The following STAU2 variants were observed in gnomAD, a reference collection of about 807,000 sequenced individuals.
STAU2 encodes the protein double-stranded RNA-binding protein Staufen homolog 2.
Under a neutral mutation model 65.9 loss-of-function variants are expected in STAU2, and 20 were observed. The ratio of observed to expected loss-of-function variants is 0.30; its 90% CI spans 0.21 to 0.44. STAU2 has a LOEUF of 0.44. Ranked by LOEUF, STAU2 falls within the 20% of genes least tolerant of loss-of-function variation. STAU2 has a pLI of 1.00. For missense variants in STAU2, 558 were observed against 683.9 expected, an observed-to-expected ratio of 0.82 and a Z score of 2.05; for synonymous variants, 232 against 233.9, an observed-to-expected ratio of 0.99 and a Z score of 0.07.
intron 12 of STAU2, among the ~76,000 whole-genome samples, chr8:73,580,365 GAAT>G (rs573686806): frequency 1.3e-4 from 20 of 152,248 alleles, no homozygotes; most frequent in Admixed American, 1.2e-3. Flanking sequence ...AGAGAAAATT[GAAT>G]AATAAGATGT....
intron 4 of STAU2, among the ~76,000 whole-genome samples, chr8:73,693,975 A>G (rs1819531750): frequency 6.6e-6 from 1 of 152,270 alleles, no homozygotes; most frequent in African/African-American, 2.4e-5. Flanking sequence ...TGTACTTCAA[A>G]TATAAAAGCA....
At chr8:73,601,732 A>G (rs997524679) in intron 10 of STAU2, among the ~76,000 whole-genome samples, 1 of 152,198 alleles carries the variant, frequency 6.6e-6, no homozygotes, top group African/African-American at 2.4e-5. Context: ...ATGTTTATGA[A>G]TACCCATAAA....
At chr8:73,525,344 A>G (rs1335965317) in intron 13 of STAU2, among the ~76,000 whole-genome samples, 1 of 152,216 alleles carries the variant, frequency 6.6e-6, no homozygotes, top group African/African-American at 2.4e-5. Context: ...TGCACACCTC[A>G]ATGGGGTGCA....
At chr8:73,506,879 A>C (rs1198397275) in intron 13 of STAU2, among the ~76,000 whole-genome samples, 2 of 152,196 alleles carry the variant, frequency 1.3e-5, no homozygotes, top group Non-Finnish European at 2.9e-5. Context: ...ACACACTCAC[A>C]GTATCTTCAC....
intron 6 of STAU2, among the ~76,000 whole-genome samples, chr8:73,660,170 T>A (rs1816718064): frequency 6.6e-6 from 1 of 152,082 alleles, no homozygotes; most frequent in Non-Finnish European, 1.5e-5. Context: ...GTGTGACATA[T>A]CCTGTAATCC....
intron 3 of STAU2, among the ~76,000 whole-genome samples, chr8:73,730,970 A>G (rs1806023315): frequency 6.6e-6 from 1 of 152,132 alleles, no homozygotes; most frequent in African/African-American, 2.4e-5. Flanking sequence ...TCCTCTAAAT[A>G]GTGTTCTGGT....
At chr8:73,546,853 T>C (rs1806971348) in intron 13 of STAU2, among the ~76,000 whole-genome samples, 1 of 152,202 alleles carries the variant, frequency 6.6e-6, no homozygotes, top group Non-Finnish European at 1.5e-5. Flanking sequence ...CCATAATTAA[T>C]TATATGTCAG....
At chr8:73,676,005 G>A (rs77819903) in intron 5 of STAU2, among the ~76,000 whole-genome samples, 1,631 of 152,146 alleles carry the variant, frequency 0.011, 25 homozygotes, top group African/African-American at 0.037. Context: ...TAAAGGTGAA[G>A]GATACATGGG....
chr8:73,690,627 A>G (rs1286143795), intron 4 of STAU2, among the ~76,000 whole-genome samples: 1 of 152,226 alleles, frequency 6.6e-6, no homozygotes, highest in Non-Finnish European at 1.5e-5. Context: ...CAAATTGTTC[A>G]AGGAAAAATT....
At chr8:73,730,738 A>AAAAAAAAAAGAC (rs1554572663) in intron 3 of STAU2, among the ~76,000 whole-genome samples, 4 of 141,626 alleles carry the variant, frequency 2.8e-5, no homozygotes, top group Non-Finnish European at 6.0e-5. Context: ...CAAAAAAAAA[A>AAAAAAAAAAGAC]AAAAAAAAAA....
chr8:73,441,320 A>T (rs981855079), intron 13 of STAU2: 1 of 151,984 alleles, frequency 6.6e-6, no homozygotes, highest in African/African-American at 2.4e-5. Flanking sequence ...CAGGCAGATC[A>T]CCTGAGGTCA....
intron 5 of STAU2, among the ~76,000 whole-genome samples, chr8:73,682,566 T>C (rs1011238398): frequency 1.3e-5 from 2 of 151,480 alleles, no homozygotes; most frequent in African/African-American, 4.9e-5. Context: ...CCTCAAGAAC[T>C]AGAGAAACAA....
chr8:73,726,400 A>C lies in STAU2; in HGVS notation c.-18+11884T>G, dbSNP rs369494260. 2.2e-4 allele frequency among the ~76,000 whole-genome samples: 34 copies of C among 152,316 alleles called. No homozygotes were observed. In the East Asian group the frequency reaches 3.3e-3, roughly 15 times the overall value. On this transcript the variant is annotated intron_variant, in intron 3 of 14. Coordinates refer to ENST00000524300, the MANE Select transcript of STAU2 (RefSeq NM_001164380.2). ...CTAAAGAACTTATTCATGTAACCAA[A>C]CACCACCTGTTTCCCAAAAACTGTT...
chr8:73,635,405 A>G (rs980613250), intron 6 of STAU2, among the ~76,000 whole-genome samples: 5 of 152,224 alleles, frequency 3.3e-5, no homozygotes, highest in African/African-American at 1.2e-4. Context: ...TTGAATTTGA[A>G]GGCAAGCCCA....
At chr8:73,535,888 G>C (rs996053045) in intron 13 of STAU2, among the ~76,000 whole-genome samples, 4 of 151,992 alleles carry the variant, frequency 2.6e-5, no homozygotes, top group African/African-American at 9.7e-5. Flanking sequence ...CTATTGTATT[G>C]AATATCACTT....
At chr8:73,488,554 A>G (rs1453591924) in intron 13 of STAU2, among the ~76,000 whole-genome samples, 2 of 152,048 alleles carry the variant, frequency 1.3e-5, no homozygotes, top group Non-Finnish European at 2.9e-5. Flanking sequence ...AAGGGCAATT[A>G]AAGATCAGTC....
rs141661069 is a variant in STAU2, at chr8:73,613,117, A to C, written c.891+627T>G. On this transcript the variant is annotated intron_variant, in intron 9 of 14. Transcript: ENST00000524300. ...GAATGGCAACAAAATAACACCATCTACTTCATATGGTTGCTATGTGGATTA... is the reference window on the plus strand; with the variant it reads ...GAATGGCAACAAAATAACACCATCTCCTTCATATGGTTGCTATGTGGATTA... Among the ~76,000 whole-genome samples, 216 of 152,330 alleles carry C rather than the reference A, an allele frequency of 1.4e-3. 1 individual carries two copies. Among genetic ancestry groups the C allele is most frequent in the African/African-American group, 4.9e-3 (205 of 41,588 alleles).
At chr8:73,527,079 T>C (rs538250758) in intron 13 of STAU2, among the ~76,000 whole-genome samples, 39 of 152,336 alleles carry the variant, frequency 2.6e-4, no homozygotes, top group African/African-American at 8.7e-4. Flanking sequence ...TGTTTAAATA[T>C]ACAGATACCA....
intron 11 of STAU2, among the ~76,000 whole-genome samples, chr8:73,591,518 A>G (rs1390077812): frequency 6.6e-6 from 1 of 152,090 alleles, no homozygotes; most frequent in Non-Finnish European, 1.5e-5. Context: ...AAGCACAGGG[A>G]AAAAAATATC....
Sources: allele counts gnomAD v4.1 joint callset (sites outside exome capture counted in the v4.1 genomes callset), GRCh38; gene constraint gnomAD v4.1.1; transcripts MANE v1.5; gene names NCBI Gene and HGNC (gene_info 2026-07-23, HGNC 2026-07-21).